NAALADL2: variants seen among roughly 807,000 people sequenced by gnomAD.
NAALADL2 encodes the protein inactive N-acetylated-alpha-linked acidic dipeptidase-like protein 2.
A neutral mutation model predicts 87.2 loss-of-function variants in NAALADL2; 76 were observed. That is an observed-to-expected ratio of 0.87 (90% confidence interval 0.72 to 1.05). The LOEUF is 1.05. Ranked by LOEUF, NAALADL2 falls within the 50% of genes least tolerant of loss-of-function variation. NAALADL2 has a pLI of 0.00. For missense variants in NAALADL2, 1,089 were observed against 945.8 expected, an observed-to-expected ratio of 1.15 and a Z score of -1.99; for synonymous variants, 354 against 331.0, an observed-to-expected ratio of 1.07 and a Z score of -0.75.
At chr3:175,278,007 T>C (rs1221944275) in intron 4 of NAALADL2, among the ~76,000 whole-genome samples, 5 of 151,926 alleles carry the variant, frequency 3.3e-5, no homozygotes, top group Non-Finnish European at 7.4e-5. Context: ...ATTTGTGTAG[T>C]CTCAGCTACT....
At chr3:174,477,614 A>C (rs1332170335) in intron 1 of NAALADL2, among the ~76,000 whole-genome samples, 1 of 152,174 alleles carries the variant, frequency 6.6e-6, no homozygotes, top group Non-Finnish European at 1.5e-5. Context: ...TGTTTTTGAA[A>C]TAATAACACA....
Position 174,606,271 on chromosome 3 carries a change from C to T in NAALADL2, c.-115+55634C>T, listed in dbSNP as rs1409723844. ...TTTAAAAAGCAGAGCGCCTCTCCTC[C>T]TGCAAAGGAACGCAGTTCCTCACCA... On this transcript the variant is annotated intron_variant, in intron 2 of 3. Coordinates refer to the NAALADL2 transcript ENST00000434257. Among the ~76,000 whole-genome samples, 5 of 152,346 alleles carry T rather than the reference C, an allele frequency of 3.3e-5. No individual in the cohort carries two copies. In the East Asian group the frequency reaches 7.7e-4, roughly 24 times the overall value.
Position 174,787,576 on chromosome 3 carries a change from CATATATATATATATATATATATAT to C in NAALADL2, c.-9+49852_-9+49875del, listed in dbSNP as rs71300440. On this transcript the variant is annotated intron_variant, in intron 3 of 3. Transcript: ENST00000434257. ...TTAATAGAAGAAGGCAATATATCAT[CATATATATATATATATATATATAT>C]ATATATATATATATATATATAGTAG... is the stretch of plus-strand genomic sequence containing the variant. Among the ~76,000 whole-genome samples the C allele has an allele frequency of 1.5e-3, 22 of 14,728 alleles. 2 individuals are homozygous for C. The highest frequency in any genetic ancestry group is 1.3e-3 in the Non-Finnish European group (9 of 6,738). 9.7% of individuals were successfully genotyped at this position (14,728 alleles called of 152,430 possible).
intron 2 of NAALADL2, among the ~76,000 whole-genome samples, chr3:175,121,745 G>A (rs1268114143): frequency 6.6e-6 from 1 of 151,806 alleles, no homozygotes; most frequent in Non-Finnish European, 1.5e-5. Context: ...ACAGAGCCAA[G>A]ATACCCCCAG....
At chr3:174,982,574 T>G (rs2108659227) in intron 1 of NAALADL2, among the ~76,000 whole-genome samples, 1 of 152,364 alleles carries the variant, frequency 6.6e-6, no homozygotes, top group African/African-American at 2.4e-5. Context: ...TATCTCCATT[T>G]AACAAAGCAA....
At chr3:174,913,528 G>T (rs1161765989) in intron 1 of NAALADL2, among the ~76,000 whole-genome samples, 1 of 152,134 alleles carries the variant, frequency 6.6e-6, no homozygotes. Flanking sequence ...CTAGGTTGTG[G>T]CAGTGGGCTT....
chr3:174,881,988 C>T (rs977977994), intron 1 of NAALADL2, among the ~76,000 whole-genome samples: 5 of 152,082 alleles, frequency 3.3e-5, no homozygotes, highest in Non-Finnish European at 7.4e-5. Context: ...ATCTAAAATG[C>T]TTTTACAGTG....
chr3:175,545,831 T>TTGTAATCC (rs1713216242), intron 9 of NAALADL2, among the ~76,000 whole-genome samples: 1 of 152,182 alleles, frequency 6.6e-6, no homozygotes, highest in South Asian at 2.1e-4. Context: ...TATTTAACCA[T>TTGTAATCC]TGTAATCCAA....
At chr3:175,131,354 C>G (rs1285568204) in intron 2 of NAALADL2, among the ~76,000 whole-genome samples, 3 of 152,022 alleles carry the variant, frequency 2.0e-5, no homozygotes, top group Non-Finnish European at 2.9e-5. Context: ...GGTGATGACT[C>G]TTAATGAGCA....
chr3:175,076,097 G>A (rs532610924), intron 1 of NAALADL2, among the ~76,000 whole-genome samples: 15 of 152,012 alleles, frequency 9.9e-5, no homozygotes, highest in Non-Finnish European at 2.2e-4. Context: ...TTGTGGTGCT[G>A]CAAGCCTGTA....
At chr3:175,043,410 C>T (rs918560838) in intron 1 of NAALADL2, among the ~76,000 whole-genome samples, 2 of 151,816 alleles carry the variant, frequency 1.3e-5, no homozygotes, top group South Asian at 2.1e-4. Context: ...GGCTAAATTT[C>T]GTATTTTTAG....
intron 3 of NAALADL2, among the ~76,000 whole-genome samples, chr3:174,775,597 C>T (rs970649008): frequency 2.0e-5 from 2 of 101,914 alleles, no homozygotes; most frequent in African/African-American, 6.7e-5. Flanking sequence ...ATTAGTAAAC[C>T]AATGGCTTGT....
chr3:174,479,804 A>G (rs1216382535), intron 1 of NAALADL2, among the ~76,000 whole-genome samples: 1 of 152,040 alleles, frequency 6.6e-6, no homozygotes, highest in Non-Finnish European at 1.5e-5. Context: ...TAGAAGAATC[A>G]GGTGTTTTTT....
intron 1 of NAALADL2, among the ~76,000 whole-genome samples, chr3:175,062,476 CTGTGTGTGTGTGTGTGTGTGTGTG>C (rs71792051): frequency 2.3e-5 from 3 of 131,484 alleles, no homozygotes; most frequent in South Asian, 2.7e-4. Context: ...GGAAGTTTGG[CTGTGTGTGTGTGTGTGTGTGTGTG>C]TGTGTGTGTG....
At chr3:175,039,421 C>A (rs533274235) in intron 1 of NAALADL2, among the ~76,000 whole-genome samples, 1 of 152,226 alleles carries the variant, frequency 6.6e-6, no homozygotes, top group South Asian at 2.1e-4. Flanking sequence ...ATGTCTTTAA[C>A]TGAATAGGAT....
intron 10 of NAALADL2, among the ~76,000 whole-genome samples, chr3:175,615,874 AT>A (rs1479090897): frequency 2.0e-5 from 3 of 147,812 alleles, no homozygotes; most frequent in African/African-American, 7.4e-5. Flanking sequence ...ATATATATAT[AT>A]GTATAATATA....
chr3:174,496,663 A>ACTG (rs1442770346), intron 1 of NAALADL2, among the ~76,000 whole-genome samples: 1 of 151,982 alleles, frequency 6.6e-6, no homozygotes, highest in Non-Finnish European at 1.5e-5. Flanking sequence ...TTTCCATCTT[A>ACTG]CTGCTACCCT....
At chr3:175,023,878 T>A (rs1235750705) in intron 1 of NAALADL2, among the ~76,000 whole-genome samples, 2 of 151,998 alleles carry the variant, frequency 1.3e-5, no homozygotes, top group Non-Finnish European at 2.9e-5. Context: ...ATAAATTAGC[T>A]ATTTCACTGA....
intron 11 of NAALADL2, chr3:175,718,743 T>A: frequency 9.3e-7 from 1 of 1,070,114 alleles, no homozygotes; most frequent in Non-Finnish European, 1.4e-6. Flanking sequence ...CTGGGCAACA[T>A]AGCAAGACTC....
Sources: allele counts gnomAD v4.1 joint callset (sites outside exome capture counted in the v4.1 genomes callset), GRCh38; gene constraint gnomAD v4.1.1; transcripts MANE v1.5; gene names NCBI Gene and HGNC (gene_info 2026-07-23, HGNC 2026-07-21).